Variants in SIGLEC12 observed in about 807,000 individuals in gnomAD.
The protein encoded by SIGLEC12 is sialic acid binding Ig like lectin 12.
Under a neutral mutation model 54.1 loss-of-function variants are expected in SIGLEC12, and 43 were observed. The observed-to-expected ratio is 0.80, with a 90% CI of 0.62 to 1.03. SIGLEC12 has a LOEUF of 1.03. Ranked by LOEUF, SIGLEC12 falls within the 50% of genes least tolerant of loss-of-function variation. The pLI, the probability that SIGLEC12 is intolerant of heterozygous loss-of-function variation, is 0.00. For synonymous variants in SIGLEC12, 357 were observed against 307.6 expected (o/e 1.16, Z -1.68); for missense variants, 802 against 735.2 (o/e 1.09, Z -1.05).
Position 51,498,116 on chromosome 19 carries a change from A to G in SIGLEC12, c.1307T>C (p.Val436Ala), listed in dbSNP as rs769891350. 1 of 1,614,178 alleles carries G rather than the reference A, an allele frequency of 6.2e-7. No individual in the cohort carries two copies. The highest frequency in any genetic ancestry group is 8.5e-7 in the Non-Finnish European group (1 of 1,180,032). ...SNLGVLELPRVHVKDEGEFTC... is the reference protein window; with the variant it reads ...SNLGVLELPRAHVKDEGEFTC... ...GAATTCCCCTTCATCCTTCACATGCACTCGAGGCAGCTCCAGCACCCCAAG... is the reference window on the plus strand; with the variant it reads ...GAATTCCCCTTCATCCTTCACATGCGCTCGAGGCAGCTCCAGCACCCCAAG... Residue 436 changes from valine (V) to alanine (A), a missense_variant, in exon 5 of 8, where the codon GTG (valine) becomes GCG (alanine). By Grantham distance (64) the Val-to-Ala change is moderately conservative. Coordinates refer to ENST00000291707, the MANE Select transcript of SIGLEC12 (RefSeq NM_053003.4).
At position 51,501,765 on chromosome 19, in the gene SIGLEC12, G is replaced by C; in HGVS notation, c.-32C>G. The C allele has an allele frequency of 6.4e-7, 1 of 1,557,872 alleles. No individual in the cohort carries two copies. The highest frequency in any genetic ancestry group is 8.7e-7 in the Non-Finnish European group (1 of 1,149,938). On this transcript the variant is annotated 5_prime_UTR_variant, in exon 1 of 8. Transcript: ENST00000291707. ...GGTTGGAGGTGCCAGGGTTGCTGAG[G>C]TAAGTCTGTTCCTCAGGGTTCTTCT... is the stretch of plus-strand genomic sequence containing the variant.
chr19:51,501,741 G>C lies in SIGLEC12; in HGVS notation c.-8C>G. The C allele has an allele frequency of 6.3e-6, 10 of 1,592,640 alleles. No homozygotes were observed. The highest frequency in any genetic ancestry group is 8.6e-6 in the Non-Finnish European group (10 of 1,166,812). On this transcript the variant is annotated 5_prime_UTR_variant, in exon 1 of 8. Transcript: ENST00000291707. ...TAGCAGCAGCAGTAGCATGTGTCGG[G>C]TTGGAGGTGCCAGGGTTGCTGAGGT... is the stretch of plus-strand genomic sequence containing the variant.
In SIGLEC12 at chr19:51,491,589, C is replaced by T; in HGVS notation, c.*52G>A. 6.4e-7 allele frequency: 1 copy of T among 1,568,960 alleles called. No individual in the cohort carries two copies. Among genetic ancestry groups the T allele is most frequent in the Non-Finnish European group, 8.8e-7 (1 of 1,141,002 alleles). On this transcript the variant is annotated 3_prime_UTR_variant, in exon 8 of 8. Coordinates refer to ENST00000291707, the MANE Select transcript of SIGLEC12 (RefSeq NM_053003.4). ...TTCTAAAGGAATCAGTCTCGGGCTT[C>T]TTTGCTGCAGGGGTCGTGAGCCCTC...
In SIGLEC12 at chr19:51,499,982, TG is replaced by T; in HGVS notation, c.745del (p.Gln249ArgfsTer20). ...CCATTTCCTGCTTCCTCTCTCCACC[TG>T]GAAGTAGTACTTCCCTGAATCCCCC... is the stretch of plus-strand genomic sequence containing the variant. ...RKGDSGKYYF[Q>X]VERGSRKWNY... On this transcript the variant is annotated frameshift_variant, in exon 2 of 8. Coordinates refer to ENST00000291707, the MANE Select transcript of SIGLEC12 (RefSeq NM_053003.4). LOFTEE classifies it high-confidence loss of function. 1 of 1,614,158 alleles carries T rather than the reference TG, an allele frequency of 6.2e-7. No homozygotes were observed. Among genetic ancestry groups the T allele is most frequent in the Non-Finnish European group, 8.5e-7 (1 of 1,179,996 alleles).
At position 51,499,702 on chromosome 19, in the gene SIGLEC12, G is replaced by A. The variant is rs1990340103; in HGVS notation, c.823C>T (p.Pro275Ser). Residue 275 changes from proline (P) to serine (S), a missense_variant, in exon 3 of 8, where the codon CCC (proline) becomes TCC (serine). Physicochemically the swap from Pro to Ser is moderately conservative, Grantham distance 74 (BLOSUM62 -1). Coordinates refer to ENST00000291707, the MANE Select transcript of SIGLEC12 (RefSeq NM_053003.4). ...SVHVTALTHM[P>S]TFSIPGTLES... Reference sequence around the variant, plus strand: ...AGGGTCCCCGGGATGGAGAAGGTGGGCATGTGAGTCAGGGCTGGTGATGAA... The same window carrying A: ...AGGGTCCCCGGGATGGAGAAGGTGGACATGTGAGTCAGGGCTGGTGATGAA... The A allele has an allele frequency of 2.5e-6, 4 of 1,614,072 alleles. No homozygotes were observed. The highest frequency in any genetic ancestry group is 2.7e-5 in the African/African-American group (2 of 75,056).
At position 51,501,473 on chromosome 19, in the gene SIGLEC12, C is replaced by T. The variant is rs753390770; in HGVS notation, c.261G>A (p.Glu87=). 3 of 1,613,988 alleles carry T rather than the reference C, an allele frequency of 1.9e-6. No individual in the cohort carries two copies. Among genetic ancestry groups the T allele is most frequent in the South Asian group, 2.2e-5 (2 of 91,068 alleles). Reference sequence around the variant, plus strand: ...GGAGGTGGAATCGGTCCCGAGTCTCCTCCTGCACTGCTCGAGCTGGGTTGT... The same window carrying T: ...GGAGGTGGAATCGGTCCCGAGTCTCTTCCTGCACTGCTCGAGCTGGGTTGT... ...ATNNPARAVQ[E]ETRDRFHLLG... is the part of the protein sequence containing the mutation. The change falls in exon 1 of 8, where the codon GAG becomes GAA. Residue 87 remains glutamate, a synonymous_variant. Coordinates refer to ENST00000291707, the MANE Select transcript of SIGLEC12 (RefSeq NM_053003.4).
chr19:51,500,162 G>A lies in SIGLEC12; in HGVS notation c.566C>T (p.Ser189Phe). The A allele has an allele frequency of 6.2e-7, 1 of 1,614,134 alleles. No individual in the cohort carries two copies. The highest frequency in any genetic ancestry group is 8.5e-7 in the Non-Finnish European group (1 of 1,180,020). The change falls in exon 2 of 8, where the codon TCC becomes TTC. Residue 189 changes from serine (S) to phenylalanine (F), a missense_variant. Coordinates refer to ENST00000291707, the MANE Select transcript of SIGLEC12 (RefSeq NM_053003.4). ...TATATCGGCCCCTTCCTTGAACCAG[G>A]ATCCATAAACAGGGCTAGAGGCAGT... ...NWTASSPVYG[S>F]WFKEGADIPW...
intron 7 of SIGLEC12, among the ~76,000 whole-genome samples, chr19:51,493,636 GGAAGTCTT>G (rs1241120146): frequency 2.6e-5 from 4 of 152,120 alleles, no homozygotes; most frequent in Non-Finnish European, 5.9e-5. Context: ...GCAAAAATCT[GGAAGTCTT>G]CTTGCTCCCT....
rs199796873 is a variant in SIGLEC12, at chr19:51,499,154, G to A, written c.1135+16C>T. The stretch of plus-strand genomic sequence containing the variant: ...GGCTCTGCTCCTCCAGCCCCAGGGA[G>A]AGGACTCCATCTTACCTGTGCCATC... On this transcript the variant is annotated intron_variant, in intron 4 of 7. Coordinates refer to ENST00000291707, the MANE Select transcript of SIGLEC12 (RefSeq NM_053003.4). The A allele has an allele frequency of 1.9e-6, 3 of 1,613,752 alleles. No individual in the cohort carries two copies. Among genetic ancestry groups the A allele is most frequent in the Non-Finnish European group, 2.5e-6 (3 of 1,179,792 alleles).
chr19:51,499,119 C>T lies in SIGLEC12; in HGVS notation c.1135+51G>A, dbSNP rs772754312. 4 of 1,601,568 alleles carry T rather than the reference C, an allele frequency of 2.5e-6. No individual in the cohort carries two copies. In the South Asian group the frequency reaches 4.4e-5, roughly 18 times the overall value. The stretch of plus-strand genomic sequence containing the variant: ...CACCAGGGTGAGTCCTGGCTCTCCC[C>T]TGAGTTGAAGGCTCTGCTCCTCCAG... On this transcript the variant is annotated intron_variant, in intron 4 of 7. Transcript: ENST00000291707.
intron 5 of SIGLEC12, 123 bp from the exon 6 acceptor site, chr19:51,497,568 G>T: frequency 1.5e-6 from 1 of 654,248 alleles, no homozygotes. Context: ...GAAAGAACAA[G>T]GACGGAAGGG....
intron 1 of SIGLEC12, among the ~76,000 whole-genome samples, chr19:51,500,689 A>G (rs1012082334): frequency 5.9e-5 from 9 of 151,916 alleles, no homozygotes; most frequent in African/African-American, 1.7e-4. Flanking sequence ...CCTCTGGACC[A>G]TCGTGGAGGT....
chr19:51,500,846 T>C (rs1243435727), intron 1 of SIGLEC12, among the ~76,000 whole-genome samples: 1 of 151,902 alleles, frequency 6.6e-6, no homozygotes, highest in Non-Finnish European at 1.5e-5. Context: ...CTCCCTGGCC[T>C]GGCCTGAGAG....
chr19:51,500,532 C>T, intron 1 of SIGLEC12: 1 of 217,014 alleles, frequency 4.6e-6, no homozygotes, highest in Non-Finnish European at 7.8e-6. Context: ...GGAACTCATT[C>T]CCTCTGCACA....
chr19:51,499,415 A>G (rs1990328063), intron 3 of SIGLEC12, 23 bp downstream of exon 3: 10 of 1,551,674 alleles, frequency 6.4e-6, no homozygotes, highest in African/African-American at 1.4e-5. Flanking sequence ...TCAAAGACCC[A>G]GACGTCCTGG....
Position 51,499,924 on chromosome 19 carries a change from C to A in SIGLEC12, c.804G>T (p.Val268=), listed in dbSNP as rs780311120. The change falls in exon 2 of 8, where the codon GTG becomes GTT. Residue 268 remains valine (V), a synonymous_variant. Coordinates refer to ENST00000291707, the MANE Select transcript of SIGLEC12 (RefSeq NM_053003.4). ...GTCCTAGAGCCAGAGATTTACCTGT[C>A]ACATGCACAGAGAGCTTGTCATATA... The part of the protein sequence containing the change: ...NYIYDKLSVH[V]TALTHMPTFS... 9 of 1,607,628 alleles carry A rather than the reference C, an allele frequency of 5.6e-6. No individual in the cohort carries two copies. The South Asian group carries it at 8.9e-5, about 16-fold the overall frequency.
chr19:51,500,027 C>T lies in SIGLEC12; in HGVS notation c.701G>A (p.Ser234Asn). The T allele has an allele frequency of 1.2e-6, 2 of 1,614,188 alleles. No homozygotes were observed. Among genetic ancestry groups the T allele is most frequent in the Non-Finnish European group, 1.7e-6 (2 of 1,180,026 alleles). ...ATCCCCCTTCCTGGCATCTCTGATG[C>T]TCAGGGAGCAGTTGTTGGTCTGTGG... ...GDPQTNNCSL[S>N]IRDARKGDSG... Residue 234 changes from serine (S) to asparagine (N), a missense_variant, in exon 2 of 8, where the codon AGC becomes AAC. Ser to Asn is a conservative substitution (Grantham distance 46). Transcript: ENST00000291707.
At position 51,500,143 on chromosome 19, in the gene SIGLEC12, G is replaced by A. The variant is rs1221245294; in HGVS notation, c.585C>T (p.Ala195=). ...CCACTGGAATATCCCATGGTATATC[G>A]GCCCCTTCCTTGAACCAGGATCCAT... The part of the protein sequence containing the change: ...PVYGSWFKEG[A]DIPWDIPVAT... The change falls in exon 2 of 8, where the codon GCC becomes GCT. Residue 195 remains alanine (A), a synonymous_variant. Transcript: ENST00000291707. The A allele has an allele frequency of 3.7e-6, 6 of 1,613,900 alleles. No individual in the cohort carries two copies. The highest frequency in any genetic ancestry group is 1.3e-5 in the African/African-American group (1 of 74,860).
Position 51,499,009 on chromosome 19 carries a change from G to A in SIGLEC12, c.1135+161C>T, listed in dbSNP as rs577999635. ...GTGGAGGAGTTCAAGGGGAGTGAAG[G>A]GGTGATGAGAAGGTGCTCAGGTGGC... is the stretch of plus-strand genomic sequence containing the variant. On this transcript the variant is annotated intron_variant, in intron 4 of 7. Transcript: ENST00000291707. 1.2e-3 allele frequency among the ~76,000 whole-genome samples: 187 copies of A among 152,212 alleles called. 1 individual carries two copies. The Middle Eastern group carries it at 0.017, about 14-fold the overall frequency.
Sources: gnomAD v4.1 joint callset for allele counts (sites outside exome capture counted in the v4.1 genomes callset) on GRCh38, gnomAD v4.1.1 for gene constraint, MANE v1.5 for transcripts, NCBI Gene and HGNC (gene_info 2026-07-23, HGNC 2026-07-21) for gene names.